The following DLGAP4 variants were observed in gnomAD, a reference collection of about 807,000 sequenced individuals.
DLGAP4 encodes the protein disks large-associated protein 4.
A neutral mutation model predicts 86.9 loss-of-function variants in DLGAP4; 18 were observed. That is an observed-to-expected ratio of 0.21 (90% CI 0.14 to 0.31). DLGAP4 has a LOEUF of 0.31. Ranked by LOEUF, DLGAP4 falls within the 10% of genes least tolerant of loss-of-function variation. The probability of loss-of-function intolerance (pLI) is 1.00; values close to 1 mark genes in which losing one functional copy is unlikely to be tolerated. For missense variants in DLGAP4, 1,085 were observed against 1,362.6 expected, an observed-to-expected ratio of 0.80 and a Z score of 3.21; for synonymous variants, 548 against 574.3, an observed-to-expected ratio of 0.95 and a Z score of 0.65.
At chr20:36,382,468 C>A (rs1021071796) in intron 2 of DLGAP4, among the ~76,000 whole-genome samples, 1 of 151,674 alleles carries the variant, frequency 6.6e-6, no homozygotes, top group Non-Finnish European at 1.5e-5. Flanking sequence ...CTCTAACGAT[C>A]CTCCTGCCTT....
chr20:36,462,646 G>A, intron 7 of DLGAP4: 1 of 1,558,716 alleles, frequency 6.4e-7, no homozygotes, highest in Non-Finnish European at 8.6e-7. Context: ...CCCGCAGGCT[G>A]GCCGCGGCCG....
intron 7 of DLGAP4, among the ~76,000 whole-genome samples, chr20:36,482,138 G>C (rs994337346): frequency 3.3e-5 from 5 of 152,130 alleles, no homozygotes; most frequent in Non-Finnish European, 7.4e-5. Flanking sequence ...GCTGCCGAGG[G>C]ATCTTGGCTC....
rs1197061284 is a variant in DLGAP4, at chr20:36,436,290, G to C, written c.1181G>C (p.Arg394Pro). 6.2e-7 allele frequency: 1 copy of C among 1,604,758 alleles called. No homozygotes were observed. Among genetic ancestry groups the C allele is most frequent in the African/African-American group, 1.3e-5 (1 of 75,044 alleles). The change falls in exon 4 of 13, where the codon CGG becomes CCG. Residue 394 changes from arginine (R) to proline (P), a missense_variant. Arg to Pro is a moderately radical substitution (Grantham distance 103). Around this residue, in one of 2 missense-constraint regions of DLGAP4, gnomAD observed 1,082 missense variants for 1,344.1 expected, o/e 0.81. Coordinates refer to ENST00000339266, the MANE Select transcript of DLGAP4 (RefSeq NM_001365621.2). ...SPKPSPKTAA[R>P]RQSYLRATQQ... is the part of the protein sequence containing the mutation. ...AAGCCCTCACCCAAGACCGCGGCGCGGCGCCAGAGCTATCTGAGGGCCACG... is the reference window on the plus strand; with the variant it reads ...AAGCCCTCACCCAAGACCGCGGCGCCGCGCCAGAGCTATCTGAGGGCCACG...
chr20:36,352,836 G>A lies in DLGAP4; in HGVS notation c.-303-14209G>A, dbSNP rs546575526. On this transcript the variant is annotated intron_variant, in intron 1 of 12. Coordinates refer to ENST00000339266, the MANE Select transcript of DLGAP4 (RefSeq NM_001365621.2). Reference sequence around the variant, plus strand: ...GGGTCTCTTCAGGCAGGGAGGTGTGGGTGACGGGAAGCATGTCTGCTGAAC... The same window carrying A: ...GGGTCTCTTCAGGCAGGGAGGTGTGAGTGACGGGAAGCATGTCTGCTGAAC... Among the ~76,000 whole-genome samples, 6 of 152,250 alleles carry A rather than the reference G, an allele frequency of 3.9e-5. No individual in the cohort carries two copies. The South Asian group carries it at 1.2e-3, about 32-fold the overall frequency.
chr20:36,462,458 C>T (rs1050566676), intron 7 of DLGAP4: 2 of 1,540,682 alleles, frequency 1.3e-6, no homozygotes, highest in South Asian at 1.3e-5. Context: ...TTGGCCCCCC[C>T]TTGCTTTTTC....
intron 1 of DLGAP4, among the ~76,000 whole-genome samples, chr20:36,365,209 C>A (rs550300567): frequency 6.6e-6 from 1 of 152,218 alleles, no homozygotes; most frequent in East Asian, 1.9e-4. Context: ...CAGGGCCCTG[C>A]GGCACCCTGC....
At chr20:36,384,311 T>C (rs1255504836) in intron 2 of DLGAP4, among the ~76,000 whole-genome samples, 1 of 152,182 alleles carries the variant, frequency 6.6e-6, no homozygotes, top group African/African-American at 2.4e-5. Flanking sequence ...TTTCCAGGAC[T>C]GTGTGGTTTT....
At chr20:36,515,264 A>G (rs2036968799) in intron 10 of DLGAP4, among the ~76,000 whole-genome samples, 1 of 152,170 alleles carries the variant, frequency 6.6e-6, no homozygotes, top group Admixed American at 6.5e-5. Context: ...TTCCTGGCAG[A>G]TGTTCACTGA....
chr20:36,500,604 T>C lies in DLGAP4; in HGVS notation c.2505T>C (p.Ser835=). Residue 835 remains serine (S), a synonymous_variant, in exon 10 of 13, where the codon TCT becomes TCC. Coordinates refer to ENST00000339266, the MANE Select transcript of DLGAP4 (RefSeq NM_001365621.2). This position sits in a 1 kb window ranked among gnomAD's most constrained non-coding sequence, Gnocchi z 4.6. ...MDKETKENNL[S]EEVLGKVLSA... The stretch of plus-strand genomic sequence containing the variant: ...AGGAGACCAAAGAGAACAACCTCTC[T>C]GAAGAAGGTGGGTGCCACATGGATG... 2 of 1,491,654 alleles carry C rather than the reference T, an allele frequency of 1.3e-6. No homozygotes were observed. Among genetic ancestry groups the C allele is most frequent in the East Asian group, 2.4e-5 (1 of 41,810 alleles). The allele number at this position is 1,491,654 out of a possible 1,614,324, so 92.4% of individuals were successfully genotyped here. A position where few individuals can be genotyped will look rare whatever the true frequency, so the allele number is the denominator to read the frequency against.
At position 36,398,757 on chromosome 20, in the gene DLGAP4, G is replaced by C. The variant is rs117186687; in HGVS notation, c.-73+31482G>C. Among the ~76,000 whole-genome samples, 36 of 152,356 alleles carry C rather than the reference G, an allele frequency of 2.4e-4. No individual in the cohort carries two copies. In the East Asian group the frequency reaches 6.0e-3, roughly 25 times the overall value. ...CAAGGTCACACAGCTCCAAATGGTA[G>C]AGTCAGGATTGGAAGTCAGCCAGAT... On this transcript the variant is annotated intron_variant, in intron 2 of 12. Transcript: ENST00000339266.
At chr20:36,366,087 G>A (rs897385996) in intron 1 of DLGAP4, among the ~76,000 whole-genome samples, 1 of 152,162 alleles carries the variant, frequency 6.6e-6, no homozygotes, top group African/African-American at 2.4e-5. Context: ...CTCCCTAGAG[G>A]ACTGGTTCCT....
At chr20:36,315,979 A>G (rs1486816057) in intron 1 of DLGAP4, among the ~76,000 whole-genome samples, 2 of 152,142 alleles carry the variant, frequency 1.3e-5, no homozygotes, top group African/African-American at 2.4e-5. Context: ...GGCTTTCAGG[A>G]ACCATTTGCA....
chr20:36,401,481 G>C (rs576062667), intron 2 of DLGAP4, among the ~76,000 whole-genome samples: 1 of 152,276 alleles, frequency 6.6e-6, no homozygotes, highest in South Asian at 2.1e-4. Flanking sequence ...TTTCCCTCCC[G>C]GGCTGTGTGT....
chr20:36,345,026 C>G (rs1396215705), intron 1 of DLGAP4, among the ~76,000 whole-genome samples: 1 of 152,198 alleles, frequency 6.6e-6, no homozygotes, highest in Non-Finnish European at 1.5e-5. Context: ...GGAACTTGGG[C>G]TTGGGAAGCT....
In DLGAP4 at chr20:36,308,769, A is replaced by G. The variant is rs1416324916; in HGVS notation, c.-304+2257A>G. The stretch of plus-strand genomic sequence containing the variant: ...GTCCCTACCCTCCTATACTTCCGTG[A>G]TGGGTATTCATTCATTCAGAAAAGC... On this transcript the variant is annotated intron_variant, in intron 1 of 12. Coordinates refer to ENST00000339266, the MANE Select transcript of DLGAP4 (RefSeq NM_001365621.2). This position sits in a 1 kb window ranked among gnomAD's most constrained non-coding sequence, Gnocchi z 4.5. 6.6e-6 allele frequency among the ~76,000 whole-genome samples: 1 copy of G among 152,166 alleles called. No homozygotes were observed. Among genetic ancestry groups the G allele is most frequent in the Non-Finnish European group, 1.5e-5 (1 of 68,022 alleles).
chr20:36,313,555 G>T (rs941912750), intron 1 of DLGAP4, among the ~76,000 whole-genome samples: 1,606 of 151,372 alleles, frequency 0.011, 32 homozygotes, highest in African/African-American at 0.037. Flanking sequence ...GGGTGGGGGG[G>T]GGTCACCTGC....
intron 7 of DLGAP4, among the ~76,000 whole-genome samples, chr20:36,470,973 T>A (rs934273111): frequency 3.3e-5 from 5 of 152,250 alleles, no homozygotes; most frequent in Non-Finnish European, 5.9e-5. Flanking sequence ...AGTGCATGTG[T>A]AGCTGTCGGA....
rs1056962588 is a variant in DLGAP4, at chr20:36,447,638, C to A, written c.1648+701C>A. Among the ~76,000 whole-genome samples, 5 of 152,192 alleles carry A rather than the reference C, an allele frequency of 3.3e-5. No individual in the cohort carries two copies. In the East Asian group the frequency reaches 9.6e-4, roughly 29 times the overall value. ...ATTTCACCATGTTGGCCAGGCTGGT[C>A]GTGAACTTCTGACCTCAAGGGATCT... On this transcript the variant is annotated intron_variant, in intron 7 of 12. Coordinates refer to ENST00000339266, the MANE Select transcript of DLGAP4 (RefSeq NM_001365621.2).
At chr20:36,460,213 C>G (rs892452159) in intron 7 of DLGAP4, among the ~76,000 whole-genome samples, 1 of 152,218 alleles carries the variant, frequency 6.6e-6, no homozygotes, top group Non-Finnish European at 1.5e-5. Context: ...CGCCTGTAAT[C>G]TCAACACTTT....
Sources: gnomAD v4.1 joint callset for allele counts (sites outside exome capture counted in the v4.1 genomes callset) on GRCh38, gnomAD v4.1.1 for gene constraint, gnomAD v4.1.1 regional missense constraint, Gnocchi (gnomAD v3.1) non-coding constraint, MANE v1.5 for transcripts, NCBI Gene and HGNC (gene_info 2026-07-23, HGNC 2026-07-21) for gene names.